PDZD8: variants seen among roughly 807,000 people sequenced by gnomAD.
PDZD8 encodes the protein PDZ domain-containing protein 8.
PDZD8 carries 14 observed loss-of-function variants against 85.8 expected under a neutral mutation model. The ratio of observed to expected loss-of-function variants is 0.16; its 90% confidence interval spans 0.11 to 0.26. PDZD8 has a LOEUF of 0.26. Ranked by LOEUF, PDZD8 falls within the 10% of genes least tolerant of loss-of-function variation. The pLI, the probability that PDZD8 is intolerant of heterozygous loss-of-function variation, is 1.00. For synonymous variants in PDZD8, 592 were observed against 568.6 expected, an observed-to-expected ratio of 1.04 and a Z score of -0.59; for missense variants, 1,197 against 1,424.3, an observed-to-expected ratio of 0.84 and a Z score of 2.57.
chr10:117,310,140 A>G (rs1205995130), intron 3 of PDZD8, among the ~76,000 whole-genome samples: 1 of 152,120 alleles, frequency 6.6e-6, no homozygotes, highest in Non-Finnish European at 1.5e-5. Flanking sequence ...AGATACTCAA[A>G]TAGTCTCACT....
Position 117,281,351 on chromosome 10 carries a change from C to CAAAAAAAA in PDZD8, c.*1909_*1916dup, listed in dbSNP as rs57494461. ...CCTGGGAGACAGCGAGACTCTGTCT[C>CAAAAAAAA]AAAAAAAAAAAAAAAAAAAAAAAAA... On this transcript the variant is annotated 3_prime_UTR_variant, in exon 5 of 5. Coordinates refer to ENST00000334464, the MANE Select transcript of PDZD8 (RefSeq NM_173791.5). 8.8e-6 allele frequency: 1 copy of CAAAAAAAA among 113,928 alleles called. No homozygotes were observed. Among genetic ancestry groups the CAAAAAAAA allele is most frequent in the African/African-American group, 3.9e-5 (1 of 25,922 alleles). 7.1% of individuals were successfully genotyped at this position (113,928 alleles called of 1,614,324 possible). A position where few individuals can be genotyped will look rare whatever the true frequency, so the allele number is the denominator to read the frequency against.
At chr10:117,341,211 T>A in intron 1 of PDZD8, 109 bp from the exon 2 acceptor site, 1 of 1,161,854 alleles carries the variant, frequency 8.6e-7, no homozygotes, top group South Asian at 1.5e-5. Flanking sequence ...CACCTAATAC[T>A]ACACGTGCTC....
intron 2 of PDZD8, among the ~76,000 whole-genome samples, chr10:117,329,256 A>C (rs1844374205): frequency 6.6e-6 from 1 of 152,194 alleles, no homozygotes; most frequent in African/African-American, 2.4e-5. Flanking sequence ...CAGTACTACT[A>C]AACAAAAAAG....
chr10:117,284,065 C>T lies in PDZD8; in HGVS notation c.2668G>A (p.Val890Ile). The T allele has an allele frequency of 1.2e-6, 2 of 1,614,174 alleles. No individual in the cohort carries two copies. The highest frequency in any genetic ancestry group is 1.3e-5 in the African/African-American group (1 of 75,018). The change falls in exon 5 of 5, where the codon GTT becomes ATT. Residue 890 changes from valine to isoleucine, a missense_variant. Val to Ile is a conservative substitution (Grantham distance 29). Transcript: ENST00000334464. ...CQEKCLAETS[V>I]CGATDRRIDR... The stretch of plus-strand genomic sequence containing the variant: ...ATTCGCCTATCAGTTGCTCCACAAA[C>T]AGAAGTCTCAGCTAGACACTTTTCT...
rs1844458309 is a variant in PDZD8 at position 117,333,136 on chromosome 10, A to AAAAAAAC, written c.995+7843_995+7844insGTTTTTT. Among the ~76,000 whole-genome samples the AAAAAAAC allele has an allele frequency of 2.0e-5, 3 of 149,546 alleles. No individual in the cohort carries two copies. The South Asian group carries it at 6.4e-4, about 32-fold the overall frequency. ...CTGTCTCAAAAAAAAAAAAAAAAAAAAAAAAAAGGGGATATGGAGGCAGAA... is the reference window on the plus strand; with the variant it reads ...CTGTCTCAAAAAAAAAAAAAAAAAAAAAAAAACAAAAAAAGGGGATATGGAGGCAGAA... On this transcript the variant is annotated intron_variant, in intron 2 of 4. Coordinates refer to ENST00000334464, the MANE Select transcript of PDZD8 (RefSeq NM_173791.5).
intron 4 of PDZD8, chr10:117,285,688 G>A (rs1844650255): frequency 8.3e-7 from 1 of 1,205,464 alleles, no homozygotes; most frequent in South Asian, 2.9e-5. Flanking sequence ...TCCTGGAGAT[G>A]TTTACCTTTT....
At chr10:117,302,113 T>G (rs916032099) in intron 3 of PDZD8, among the ~76,000 whole-genome samples, 2 of 152,224 alleles carry the variant, frequency 1.3e-5, no homozygotes, top group Non-Finnish European at 2.9e-5. Flanking sequence ...TGAAGGGTCC[T>G]TCTGGTATCA....
intron 1 of PDZD8, among the ~76,000 whole-genome samples, chr10:117,355,378 A>G (rs549219940): frequency 6.6e-6 from 1 of 152,292 alleles, no homozygotes; most frequent in South Asian, 2.1e-4. Flanking sequence ...TTTTACTACT[A>G]GCCATACTAT....
chr10:117,329,373 AG>A (rs1354528405), intron 2 of PDZD8, among the ~76,000 whole-genome samples: 1 of 152,206 alleles, frequency 6.6e-6, no homozygotes, highest in Admixed American at 6.5e-5. Flanking sequence ...TTAAAGGCAA[AG>A]GTATGTTGAA....
rs1007810556 is a variant in PDZD8, at chr10:117,335,768, T to A, written c.995+5212A>T. On this transcript the variant is annotated intron_variant, in intron 2 of 4. Transcript: ENST00000334464. ...CACGTTCCCTCAACCTTGGGCAGGG[T>A]AAGGGAGAATTACAAAGGAATCCTG... 7.9e-5 allele frequency among the ~76,000 whole-genome samples: 12 copies of A among 152,098 alleles called. No individual in the cohort carries two copies. In the South Asian group the frequency reaches 2.3e-3, roughly 29 times the overall value.
chr10:117,335,410 A>G (rs972414980), intron 2 of PDZD8, among the ~76,000 whole-genome samples: 23 of 152,246 alleles, frequency 1.5e-4, no homozygotes, highest in Admixed American at 1.0e-3. Flanking sequence ...TATACAGTAA[A>G]TGTAAAAACA....
intron 1 of PDZD8, among the ~76,000 whole-genome samples, chr10:117,371,884 C>T (rs144385656): frequency 1.2e-4 from 19 of 152,196 alleles, no homozygotes; most frequent in African/African-American, 2.2e-4. Flanking sequence ...TCGAAGCTGC[C>T]GTGAGCCATG....
chr10:117,309,395 A>T (rs1298213238), intron 3 of PDZD8, among the ~76,000 whole-genome samples: 2 of 43,062 alleles, frequency 4.6e-5, no homozygotes, highest in African/African-American at 1.3e-4. Context: ...AGTAAAAATT[A>T]AAAAAAAAAA....
rs376924849 is a variant in PDZD8, at chr10:117,296,903, ACAGT to A, written c.1099-6559_1099-6556del. ...CAAAGATTTCTTAAACATGACACAAACAGTATAAATCTATAAAAGAAAAAAGTTA... is the reference window on the plus strand; with the variant it reads ...CAAAGATTTCTTAAACATGACACAAAATAAATCTATAAAAGAAAAAAGTTA... On this transcript the variant is annotated intron_variant, in intron 3 of 4. Transcript: ENST00000334464. Among the ~76,000 whole-genome samples the A allele has an allele frequency of 5.2e-3, 796 of 152,184 alleles. 5 individuals are homozygous for A. Among genetic ancestry groups the A allele is most frequent in the Non-Finnish European group, 9.1e-3 (615 of 67,940 alleles).
At chr10:117,327,996 C>T (rs1361621538) in intron 2 of PDZD8, among the ~76,000 whole-genome samples, 1 of 152,168 alleles carries the variant, frequency 6.6e-6, no homozygotes, top group African/African-American at 2.4e-5. Flanking sequence ...ATTAGTGTCT[C>T]CTACAAAGGT....
chr10:117,349,474 GACTA>G (rs1354817147), intron 1 of PDZD8, among the ~76,000 whole-genome samples: 17 of 152,168 alleles, frequency 1.1e-4, no homozygotes, highest in African/African-American at 3.6e-4. Flanking sequence ...GACCAAGGAA[GACTA>G]ACTATGAACA....
rs1849088770 is a variant in PDZD8 at position 117,282,467 on chromosome 10, TAA to T, written c.*799_*800del. Reference sequence around the variant, plus strand: ...TGCTATGTTACTGTTTTTCAGTAATTAAGTCTTGTTATCCTCTCTACAAAATT... The same window carrying T: ...TGCTATGTTACTGTTTTTCAGTAATTGTCTTGTTATCCTCTCTACAAAATT... On this transcript the variant is annotated 3_prime_UTR_variant, in exon 5 of 5. Coordinates refer to ENST00000334464, the MANE Select transcript of PDZD8 (RefSeq NM_173791.5). The T allele has an allele frequency of 6.6e-6, 1 of 152,208 alleles. No homozygotes were observed. The highest frequency in any genetic ancestry group is 2.4e-5 in the African/African-American group (1 of 41,458). 9.4% of individuals were successfully genotyped at this position (152,208 alleles called of 1,614,324 possible).
chr10:117,319,134 G>C (rs1008956690), intron 2 of PDZD8, among the ~76,000 whole-genome samples, 160 bp from the exon 3 acceptor site: 1 of 151,888 alleles, frequency 6.6e-6, no homozygotes, highest in African/African-American at 2.4e-5. Flanking sequence ...ACACCCTCTA[G>C]TGGAAACATG....
At position 117,374,978 on chromosome 10, in the gene PDZD8, G is replaced by C. The variant is rs2133903049; in HGVS notation, c.250C>G (p.Pro84Ala). The change falls in exon 1 of 5, where the codon CCC becomes GCC. Residue 84 changes from proline to alanine, a missense_variant. Physicochemically the swap from Pro to Ala is conservative, Grantham distance 27. Transcript: ENST00000334464. This position sits in a 1 kb window ranked among gnomAD's most constrained non-coding sequence, Gnocchi z 7.8. ...PEGGATPTAA[P>A]ETPAPPTRET... ...CGCGTCGGCGGGGCGGGGGTCTCGGGGGCCGCGGTGGGGGTCGCGCCGCCC... is the reference window on the plus strand; with the variant it reads ...CGCGTCGGCGGGGCGGGGGTCTCGGCGGCCGCGGTGGGGGTCGCGCCGCCC... 1 of 1,598,694 alleles carries C rather than the reference G, an allele frequency of 6.3e-7. No individual in the cohort carries two copies. The highest frequency in any genetic ancestry group is 2.3e-5 in the East Asian group (1 of 44,206).
Sources: allele counts gnomAD v4.1 joint callset (sites outside exome capture counted in the v4.1 genomes callset), GRCh38; gene constraint gnomAD v4.1.1; non-coding constraint Gnocchi (gnomAD v3.1); transcripts MANE v1.5; gene names NCBI Gene and HGNC (gene_info 2026-07-23, HGNC 2026-07-21).